ZZEF1: variants seen among roughly 807,000 people sequenced by gnomAD.
ZZEF1 encodes the protein zinc finger ZZ-type and EF-hand domain containing 1.
A neutral mutation model predicts 342.8 loss-of-function variants in ZZEF1; 157 were observed. The observed-to-expected ratio is 0.46, with a 90% CI of 0.40 to 0.52. ZZEF1 has a LOEUF of 0.52. Ranked by LOEUF, ZZEF1 falls within the 20% of genes least tolerant of loss-of-function variation. ZZEF1 has a pLI of 0.00. For missense variants in ZZEF1, 3,480 were observed against 3,725.6 expected (o/e 0.93, Z 1.72); for synonymous variants, 1,505 against 1,429.1 (o/e 1.05, Z -1.20).
At position 4,004,594 on chromosome 17, in the gene ZZEF1, C is replaced by T. The variant is rs1420748484; in HGVS notation, c.*2296G>A. On this transcript the variant is annotated 3_prime_UTR_variant, in exon 55 of 55. Transcript: ENST00000381638. ...TAAGAAAAATTCAAAATCGTAAACC[C>T]GTAAGAAAACAAATTAAAAACGGTG... The T allele has an allele frequency of 6.6e-6, 1 of 152,550 alleles. No homozygotes were observed. The highest frequency in any genetic ancestry group is 2.4e-5 in the African/African-American group (1 of 41,452). 9.4% of individuals were successfully genotyped at this position (152,550 alleles called of 1,614,324 possible). A position where few individuals can be genotyped will look rare whatever the true frequency, so the allele number is the denominator to read the frequency against.
rs1054968218 is a variant in ZZEF1 at position 4,110,864 on chromosome 17, G to A, written c.1067-1001C>T. Among the ~76,000 whole-genome samples, 6 of 152,060 alleles carry A rather than the reference G, an allele frequency of 3.9e-5. No homozygotes were observed. The East Asian group carries it at 5.8e-4, about 15-fold the overall frequency. Reference sequence around the variant, plus strand: ...CAAGTAGCTGGGATTACAGGCATGCGCCACCACGCCCGGCTAATTTTTGTA... The same window carrying A: ...CAAGTAGCTGGGATTACAGGCATGCACCACCACGCCCGGCTAATTTTTGTA... On this transcript the variant is annotated intron_variant, in intron 5 of 54. Coordinates refer to ENST00000381638, the MANE Select transcript of ZZEF1 (RefSeq NM_015113.4).
In ZZEF1 at chr17:4,008,817, C is replaced by T; in HGVS notation, c.8805+66G>A. The T allele has an allele frequency of 6.5e-7, 1 of 1,535,360 alleles. No individual in the cohort carries two copies. The highest frequency in any genetic ancestry group is 1.7e-4 in the Middle Eastern group (1 of 5,976). On this transcript the variant is annotated intron_variant, in intron 54 of 54. Coordinates refer to ENST00000381638, the MANE Select transcript of ZZEF1 (RefSeq NM_015113.4). The surrounding 1 kb of genome is among the most constrained non-coding windows in gnomAD (Gnocchi z 4.2). ...AGACGCAATGTACAGACCTTCTCTG[C>T]CCTGGCAATGGTGAGATGGTGGCGC...
intron 51 of ZZEF1, 69 bp from the exon 52 acceptor site, chr17:4,013,683 A>G (rs2056027502): frequency 1.4e-6 from 2 of 1,438,782 alleles, no homozygotes. Flanking sequence ...TATTAAATAA[A>G]GTATAACAAT....
rs920982289 is a variant in ZZEF1 at position 4,006,787 on chromosome 17, G to C, written c.*103C>G. 3 of 1,273,474 alleles carry C rather than the reference G, an allele frequency of 2.4e-6. No homozygotes were observed. Among genetic ancestry groups the C allele is most frequent in the African/African-American group, 1.5e-5 (1 of 67,608 alleles). The allele number at this position is 1,273,474 out of a possible 1,614,324, so 78.9% of individuals were successfully genotyped here. A position where few individuals can be genotyped will look rare whatever the true frequency, so the allele number is the denominator to read the frequency against. Reference sequence around the variant, plus strand: ...CTAACTGGAGTGGTCAGCTCAAGGAGAGCTGGGCACTGGCGCTACAGGAGT... The same window carrying C: ...CTAACTGGAGTGGTCAGCTCAAGGACAGCTGGGCACTGGCGCTACAGGAGT... On this transcript the variant is annotated 3_prime_UTR_variant, in exon 55 of 55. Coordinates refer to ENST00000381638, the MANE Select transcript of ZZEF1 (RefSeq NM_015113.4).
In ZZEF1 at chr17:4,081,320, A is replaced by G. The variant is rs2057719474; in HGVS notation, c.2829+56T>C. The G allele has an allele frequency of 6.4e-6, 9 of 1,416,614 alleles. No homozygotes were observed. The Admixed American group carries it at 8.6e-5, about 14-fold the overall frequency. The allele number at this position is 1,416,614 out of a possible 1,614,324, so 87.8% of individuals were successfully genotyped here. A position where few individuals can be genotyped will look rare whatever the true frequency, so the allele number is the denominator to read the frequency against. On this transcript the variant is annotated intron_variant, in intron 18 of 54. Transcript: ENST00000381638. ...AAAGGGGGGCACAAGAGACTGCCACATCACGTGCCCCCACAAGCATGAGAC... is the reference window on the plus strand; with the variant it reads ...AAAGGGGGGCACAAGAGACTGCCACGTCACGTGCCCCCACAAGCATGAGAC...
chr17:4,010,193 C>T (rs974771347), intron 52 of ZZEF1, among the ~76,000 whole-genome samples: 2 of 147,886 alleles, frequency 1.4e-5, no homozygotes, highest in African/African-American at 5.1e-5. Context: ...AAACAAAACC[C>T]CAAAAAACAA....
At chr17:4,136,900 C>A (rs967807053) in intron 1 of ZZEF1, among the ~76,000 whole-genome samples, 1 of 152,040 alleles carries the variant, frequency 6.6e-6, no homozygotes, top group African/African-American at 2.4e-5. Context: ...TGTGATGAAG[C>A]CTTTCTCAAA....
intron 34 of ZZEF1, 74 bp downstream of exon 34, chr17:4,053,983 T>TA (rs1434717328): frequency 6.7e-7 from 1 of 1,500,174 alleles, no homozygotes; most frequent in Non-Finnish European, 8.9e-7. Flanking sequence ...TGAGAGTTTT[T>TA]AAAAATGACA....
intron 30 of ZZEF1, among the ~76,000 whole-genome samples, chr17:4,060,107 G>A (rs2057252197): frequency 6.6e-6 from 1 of 152,214 alleles, no homozygotes; most frequent in Non-Finnish European, 1.5e-5. Flanking sequence ...GTACTTGCCT[G>A]AGAAATCTTA....
chr17:4,090,240 G>A, intron 12 of ZZEF1, among the ~76,000 whole-genome samples: 1 of 136,642 alleles, frequency 7.3e-6, no homozygotes, highest in Non-Finnish European at 1.6e-5. Flanking sequence ...CCTGGCTAAG[G>A]ATGCTGTGTT....
chr17:4,081,435 T>C lies in ZZEF1; in HGVS notation c.2770A>G (p.Met924Val). 1 of 1,614,072 alleles carries C rather than the reference T, an allele frequency of 6.2e-7. No individual in the cohort carries two copies. Among genetic ancestry groups the C allele is most frequent in the South Asian group, 1.1e-5 (1 of 91,074 alleles). The change falls in exon 18 of 55, where the codon ATG becomes GTG. Residue 924 changes from methionine to valine, a missense_variant. Met to Val is a conservative substitution (Grantham distance 21). Transcript: ENST00000381638. Reference protein sequence around the residue: ...LLPEKNDLAKMNISEVLAVMD... With the variant: ...LLPEKNDLAKVNISEVLAVMD... ...ACCGCCAGGACTTCACTGATGTTCA[T>C]CTTGGCCAGGTCGTTCTTCTCAGGT...
Position 4,070,831 on chromosome 17 carries a change from G to A in ZZEF1, c.3928C>T (p.Leu1310Phe), listed in dbSNP as rs746849482. ...AQNFCGPYSE[L>F]FKGFIQACRK... is the part of the protein sequence containing the mutation. ...CATGCCTGTATGAATCCTTTGAAAA[G>A]TTCTGAATATGGCCCACAGAAGTTC... Residue 1310 changes from leucine (L) to phenylalanine (F), a missense_variant, in exon 26 of 55, where the codon CTT becomes TTT. By Grantham distance (22) the Leu-to-Phe change is conservative. Around this residue, in one of 5 missense-constraint regions of ZZEF1, gnomAD observed 1,528 missense variants for 1,624.1 expected, o/e 0.94. Transcript: ENST00000381638. 2 of 1,614,138 alleles carry A rather than the reference G, an allele frequency of 1.2e-6. No homozygotes were observed. Among genetic ancestry groups the A allele is most frequent in the African/African-American group, 1.3e-5 (1 of 75,018 alleles).
chr17:4,077,015 T>TA, intron 19 of ZZEF1, 26 bp from the exon 20 acceptor site: 1 of 1,579,328 alleles, frequency 6.3e-7, no homozygotes, highest in Admixed American at 1.8e-5. Flanking sequence ...AAATAATTAA[T>TA]ATATTATATA....
At chr17:4,058,277 T>A in intron 31 of ZZEF1, 122 bp from the exon 32 acceptor site, 6 of 1,056,976 alleles carry the variant, frequency 5.7e-6, no homozygotes, top group Non-Finnish European at 8.0e-6. Flanking sequence ...CATTGCTGGT[T>A]TGGGTTCCTT....
chr17:4,109,491 T>C (rs1305856539), intron 6 of ZZEF1, among the ~76,000 whole-genome samples, 162 bp downstream of exon 6: 1 of 152,102 alleles, frequency 6.6e-6, no homozygotes, highest in Non-Finnish European at 1.5e-5. Flanking sequence ...AGAGATACAC[T>C]GTGGAGCTGA....
Position 4,052,110 on chromosome 17 carries a change from C to T in ZZEF1, c.5461G>A (p.Asp1821Asn), listed in dbSNP as rs761675473. The T allele has an allele frequency of 6.2e-6, 10 of 1,613,586 alleles. No individual in the cohort carries two copies. The South Asian group carries it at 1.1e-4, about 18-fold the overall frequency. ...LGGVKPEGHG[D>N]DHEMVNMEFT... ...TCCATGTTGACCATTTCATGGTCGTCTCCGTGGCCCTCAGGCTTCACCCCA... is the reference window on the plus strand; with the variant it reads ...TCCATGTTGACCATTTCATGGTCGTTTCCGTGGCCCTCAGGCTTCACCCCA... Residue 1821 changes from aspartate (D) to asparagine (N), a missense_variant, in exon 35 of 55, where the codon GAC becomes AAC. By Grantham distance (23) the Asp-to-Asn change is conservative. This residue lies in a region of ZZEF1 where 175 missense variants were observed against 254.6 expected (regional missense o/e 0.69). Transcript: ENST00000381638.
chr17:4,060,539 ACT>A (rs2057262234), intron 30 of ZZEF1, among the ~76,000 whole-genome samples: 1 of 139,130 alleles, frequency 7.2e-6, no homozygotes, highest in South Asian at 2.2e-4. Context: ...ACACAGCGAA[ACT>A]CTTGTCTCAA....
chr17:4,077,425 C>A (rs868500783), intron 19 of ZZEF1, among the ~76,000 whole-genome samples: 36 of 152,154 alleles, frequency 2.4e-4, no homozygotes, highest in Non-Finnish European at 4.3e-4. Context: ...TATAATTTGT[C>A]AGCACCCGTT....
chr17:4,030,389 T>A (rs2056515708), intron 42 of ZZEF1, among the ~76,000 whole-genome samples: 1 of 152,228 alleles, frequency 6.6e-6, no homozygotes, highest in Non-Finnish European at 1.5e-5. Flanking sequence ...TGACTTACAA[T>A]GGTTCAACGT....
Sources: gnomAD v4.1 joint callset for allele counts (sites outside exome capture counted in the v4.1 genomes callset) on GRCh38, gnomAD v4.1.1 for gene constraint, gnomAD v4.1.1 regional missense constraint, Gnocchi (gnomAD v3.1) non-coding constraint, MANE v1.5 for transcripts, NCBI Gene and HGNC (gene_info 2026-07-23, HGNC 2026-07-21) for gene names.